The following SMYD3 variants were observed in gnomAD, a reference collection of about 807,000 sequenced individuals.
SMYD3 encodes SET and MYND domain containing 3, also known as histone-lysine N-methyltransferase SMYD3.
In SMYD3, 36 loss-of-function variants were observed where a neutral mutation model predicts 57.7. The observed-to-expected ratio is 0.62, with a 90% CI of 0.48 to 0.82. The LOEUF (loss-of-function observed/expected upper bound fraction) is 0.82. SMYD3 is among the 40% of genes least tolerant of loss of function. SMYD3 has a pLI of 0.00. For missense variants in SMYD3, 515 were observed against 538.8 expected, an observed-to-expected ratio of 0.96 and a Z score of 0.44; for synonymous variants, 211 against 195.0, an observed-to-expected ratio of 1.08 and a Z score of -0.68.
intron 5 of SMYD3, among the ~76,000 whole-genome samples, chr1:246,257,985 T>C (rs2148514608): frequency 6.6e-6 from 1 of 152,356 alleles, no homozygotes; most frequent in Middle Eastern, 3.4e-3. Context: ...CCTGTATAGC[T>C]TGCAGAACCA....
chr1:245,789,206 T>A lies in SMYD3; in HGVS notation c.1077-25057A>T, dbSNP rs1447149796. 2.6e-5 allele frequency among the ~76,000 whole-genome samples: 4 copies of A among 152,304 alleles called. No homozygotes were observed. The East Asian group carries it at 7.7e-4, about 29-fold the overall frequency. ...GTGCCATTTCGGGGACCTGAATTCC[T>A]ATTATGATGTAAGTCCTTTCAGAGA... On this transcript the variant is annotated intron_variant, in intron 10 of 11. Transcript: ENST00000490107.
intron 5 of SMYD3, among the ~76,000 whole-genome samples, chr1:246,112,240 A>G (rs2061256395): frequency 6.6e-6 from 1 of 152,236 alleles, no homozygotes; most frequent in African/African-American, 2.4e-5. Flanking sequence ...TTCAAAAGGT[A>G]AGATCAATTA....
chr1:246,140,800 G>A (rs962284111), intron 5 of SMYD3, among the ~76,000 whole-genome samples: 3 of 151,994 alleles, frequency 2.0e-5, no homozygotes. Context: ...TCACTATGTT[G>A]CCCAGGCTGC....
At chr1:246,246,845 C>CTATATATA (rs10649022) in intron 5 of SMYD3, among the ~76,000 whole-genome samples, 11 of 149,436 alleles carry the variant, frequency 7.4e-5, no homozygotes, top group South Asian at 2.1e-4. Context: ...TACATATATA[C>CTATATATA]TATATATATA....
chr1:245,954,643 A>G (rs1172546434), intron 5 of SMYD3, among the ~76,000 whole-genome samples: 2 of 147,892 alleles, frequency 1.4e-5, no homozygotes, highest in Non-Finnish European at 1.5e-5. Flanking sequence ...GCACCACTGC[A>G]GCCACTGTCC....
At chr1:246,191,143 T>G (rs2148326781) in intron 5 of SMYD3, among the ~76,000 whole-genome samples, 1 of 152,358 alleles carries the variant, frequency 6.6e-6, no homozygotes, top group South Asian at 2.1e-4. Context: ...AATGTTTTGG[T>G]ACCAATTAAA....
intron 10 of SMYD3, among the ~76,000 whole-genome samples, chr1:245,839,732 C>T (rs968508756): frequency 6.6e-6 from 1 of 151,498 alleles, no homozygotes; most frequent in Non-Finnish European, 1.5e-5. Flanking sequence ...AAAATATGAA[C>T]GGACAACCAA....
chr1:246,502,993 C>A (rs1029858257), intron 1 of SMYD3, among the ~76,000 whole-genome samples: 1 of 152,126 alleles, frequency 6.6e-6, no homozygotes, highest in Non-Finnish European at 1.5e-5. Context: ...GTGCTATAGG[C>A]CCGTGTTGGC....
intron 11 of SMYD3, among the ~76,000 whole-genome samples, chr1:245,756,693 T>C (rs1572251246): frequency 6.6e-6 from 1 of 152,140 alleles, no homozygotes; most frequent in East Asian, 1.9e-4. Flanking sequence ...GAAAAAAATA[T>C]GCTACTTTCA....
intron 10 of SMYD3, among the ~76,000 whole-genome samples, chr1:245,783,148 G>A (rs1284688448): frequency 1.3e-5 from 2 of 152,172 alleles, no homozygotes; most frequent in Non-Finnish European, 2.9e-5. Flanking sequence ...GTGTCACATT[G>A]AATACGGGCA....
In SMYD3 at chr1:245,777,245, T is replaced by TA. The variant is rs201509023; in HGVS notation, c.1077-13097dup. 3.7e-3 allele frequency among the ~76,000 whole-genome samples: 547 copies of TA among 149,624 alleles called. 2 individuals are homozygous for TA. The highest frequency in any genetic ancestry group is 0.022 in the East Asian group (111 of 5,102). On this transcript the variant is annotated intron_variant, in intron 10 of 11. Transcript: ENST00000490107. ...TAAGGACTTTGAGTTGAATTTATTC[T>TA]AAAAAAAAAATCTTATTCAAGCAGA...
At chr1:246,287,966 G>A (rs898187015) in intron 5 of SMYD3, among the ~76,000 whole-genome samples, 2 of 151,170 alleles carry the variant, frequency 1.3e-5, no homozygotes, top group African/African-American at 2.4e-5. Flanking sequence ...GCCTTGGAAC[G>A]TTACACGGCC....
At chr1:246,462,193 T>C (rs2067808337) in intron 1 of SMYD3, among the ~76,000 whole-genome samples, 1 of 135,208 alleles carries the variant, frequency 7.4e-6, no homozygotes, top group Non-Finnish European at 1.6e-5. Context: ...CTGGGTACAG[T>C]GCATCCTCCC....
At chr1:246,093,399 T>G (rs1346590502) in intron 5 of SMYD3, among the ~76,000 whole-genome samples, 1 of 152,026 alleles carries the variant, frequency 6.6e-6, no homozygotes, top group Non-Finnish European at 1.5e-5. Flanking sequence ...ATAAAGAAAA[T>G]ATAATGCATA....
chr1:246,215,465 T>C (rs1418800573), intron 5 of SMYD3, among the ~76,000 whole-genome samples: 1 of 152,160 alleles, frequency 6.6e-6, no homozygotes, highest in Non-Finnish European at 1.5e-5. Context: ...TTTTTTTTAA[T>C]GCTGAGCCAT....
At position 246,148,166 on chromosome 1, in the gene SMYD3, T is replaced by G. The variant is rs987505696; in HGVS notation, c.531+179035A>C. Among the ~76,000 whole-genome samples the G allele has an allele frequency of 3.3e-5, 5 of 152,088 alleles. No individual in the cohort carries two copies. In the South Asian group the frequency reaches 1.0e-3, roughly 32 times the overall value. On this transcript the variant is annotated intron_variant, in intron 5 of 11. Coordinates refer to ENST00000490107, the MANE Select transcript of SMYD3 (RefSeq NM_001167740.2). ...TTGTGGTGCCTCGTCTGGGTGCACA[T>G]GGAGGACCATGGGCCAATCGGCAGG...
intron 1 of SMYD3, among the ~76,000 whole-genome samples, chr1:246,486,857 T>C (rs1203610525): frequency 2.0e-5 from 3 of 152,148 alleles, no homozygotes; most frequent in Non-Finnish European, 4.4e-5. Context: ...ATGGTATAGT[T>C]CTCCAATATA....
chr1:246,443,674 G>C (rs2067504256), intron 1 of SMYD3, among the ~76,000 whole-genome samples: 1 of 152,150 alleles, frequency 6.6e-6, no homozygotes, highest in Non-Finnish European at 1.5e-5. Context: ...TTTCCTAAAA[G>C]AATTTTGAAA....
chr1:245,821,365 C>T (rs2049150147), intron 10 of SMYD3, among the ~76,000 whole-genome samples: 1 of 110,302 alleles, frequency 9.1e-6, no homozygotes, highest in South Asian at 3.3e-4. Flanking sequence ...GAAACTGGAT[C>T]CCTTTCTTAC....
Sources: allele counts gnomAD v4.1 joint callset (sites outside exome capture counted in the v4.1 genomes callset), GRCh38; gene constraint gnomAD v4.1.1; transcripts MANE v1.5; gene names NCBI Gene and HGNC (gene_info 2026-07-23, HGNC 2026-07-21).